Variants in LINGO2 observed in about 807,000 individuals in gnomAD.
LINGO2 encodes the protein leucine rich repeat and Ig domain containing 2.
Under a neutral mutation model 30.6 loss-of-function variants are expected in LINGO2, and 14 were observed. The ratio of observed to expected loss-of-function variants is 0.46; its 90% CI spans 0.30 to 0.72. The LOEUF (loss-of-function observed/expected upper bound fraction) is 0.72, where lower values mean the gene tolerates loss of function less well. Among genes scored for constraint, LINGO2 ranks in the 30% least tolerant of loss-of-function variants. The pLI is 0.07. For synonymous variants in LINGO2, 317 were observed against 288.5 expected (o/e 1.10, Z -1.00); for missense variants, 729 against 751.7 (o/e 0.97, Z 0.35).
At chr9:28,490,819 T>C (rs1372577921) in intron 1 of LINGO2, among the ~76,000 whole-genome samples, 1 of 152,198 alleles carries the variant, frequency 6.6e-6, no homozygotes, top group Non-Finnish European at 1.5e-5. Context: ...TACTAGATTA[T>C]TGTACATAAT....
At chr9:28,809,840 C>T in the LINGO2 span, among the ~76,000 whole-genome samples, 3 of 151,508 alleles carry the variant, frequency 2.0e-5, no homozygotes, top group African/African-American at 4.9e-5. Context: ...CCCTATAGCT[C>T]ATCACACTCC....
At chr9:28,343,837 C>T (rs1173700947) in intron 3 of LINGO2, among the ~76,000 whole-genome samples, 5 of 151,958 alleles carry the variant, frequency 3.3e-5, no homozygotes, top group Non-Finnish European at 5.9e-5. Flanking sequence ...TGCCTAAACG[C>T]GACATTAAGT....
the LINGO2 span, among the ~76,000 whole-genome samples, chr9:29,158,476 C>G: frequency 6.6e-6 from 1 of 152,136 alleles, no homozygotes; most frequent in Admixed American, 6.5e-5. Context: ...AGGACAGACT[C>G]TTCAGCAGAC....
the LINGO2 span, among the ~76,000 whole-genome samples, chr9:28,723,589 A>C: frequency 6.6e-6 from 1 of 152,012 alleles, no homozygotes; most frequent in Non-Finnish European, 1.5e-5. Flanking sequence ...ATAAGAATGG[A>C]ATTGGTGAAC....
intron 4 of LINGO2, among the ~76,000 whole-genome samples, chr9:28,054,942 G>C (rs1389337628): frequency 6.6e-6 from 1 of 151,964 alleles, no homozygotes; most frequent in Non-Finnish European, 1.5e-5. Flanking sequence ...CAAAGCTACA[G>C]TCTTCTTTCC....
chr9:28,884,036 A>G, the LINGO2 span, among the ~76,000 whole-genome samples: 1 of 152,086 alleles, frequency 6.6e-6, no homozygotes, highest in African/African-American at 2.4e-5. Flanking sequence ...AAATCATTAA[A>G]TGTTAATTCC....
At chr9:28,894,467 C>A in the LINGO2 span, among the ~76,000 whole-genome samples, 1 of 151,848 alleles carries the variant, frequency 6.6e-6, no homozygotes, top group Admixed American at 6.6e-5. Flanking sequence ...TCAATTATTT[C>A]TCTTATGACT....
At chr9:28,275,121 T>C (rs969155243) in intron 4 of LINGO2, among the ~76,000 whole-genome samples, 2 of 152,060 alleles carry the variant, frequency 1.3e-5, no homozygotes, top group African/African-American at 4.8e-5. Context: ...CAGGCTGGAG[T>C]GCAGTGGCGC....
intron 4 of LINGO2, among the ~76,000 whole-genome samples, chr9:28,150,351 A>T (rs1033328792): frequency 2.6e-5 from 4 of 152,142 alleles, no homozygotes; most frequent in African/African-American, 9.7e-5. Flanking sequence ...TCGACATTGA[A>T]GTTTACTTTT....
At chr9:28,738,086 A>G in the LINGO2 span, among the ~76,000 whole-genome samples, 1 of 152,106 alleles carries the variant, frequency 6.6e-6, no homozygotes, top group Non-Finnish European at 1.5e-5. Context: ...TCATATTGTG[A>G]GACAAACACC....
rs114224259 is a variant in LINGO2 at position 28,001,839 on chromosome 9, C to T, written c.-36+10516G>A. Among the ~76,000 whole-genome samples the T allele has an allele frequency of 9.1e-3, 1,388 of 152,208 alleles. 20 individuals are homozygous for T. Among genetic ancestry groups the T allele is most frequent in the African/African-American group, 0.032 (1,314 of 41,530 alleles). On this transcript the variant is annotated intron_variant, in intron 5 of 5. Coordinates refer to ENST00000379992, the Ensembl canonical transcript of LINGO2. ...ATGATGCACAAAAGGATGTTTACAA[C>T]TTCTGTGATGCTCTAAGAAGATCTA... is the stretch of plus-strand genomic sequence containing the variant.
chr9:28,975,271 T>C, the LINGO2 span, among the ~76,000 whole-genome samples: 9 of 152,238 alleles, frequency 5.9e-5, no homozygotes, highest in East Asian at 1.9e-4. Context: ...TCTAAGTTAA[T>C]AGAAAGACAA....
chr9:28,355,621 C>G (rs1820171418), intron 3 of LINGO2, among the ~76,000 whole-genome samples: 1 of 151,952 alleles, frequency 6.6e-6, no homozygotes, highest in Admixed American at 6.6e-5. Flanking sequence ...CACAGGTGGA[C>G]AGAGATCCCT....
chr9:28,668,024 C>G (rs1828868242), intron 1 of LINGO2, among the ~76,000 whole-genome samples: 1 of 152,062 alleles, frequency 6.6e-6, no homozygotes, highest in African/African-American at 2.4e-5. Flanking sequence ...AATGTCTCTG[C>G]TATATTCACA....
the LINGO2 span, among the ~76,000 whole-genome samples, chr9:28,862,588 A>G: frequency 2.0e-5 from 3 of 152,152 alleles, no homozygotes; most frequent in Non-Finnish European, 1.5e-5. Context: ...GAAACATAAC[A>G]GGACAAAATA....
chr9:28,770,914 G>A, the LINGO2 span, among the ~76,000 whole-genome samples: 7 of 152,140 alleles, frequency 4.6e-5, no homozygotes, highest in Non-Finnish European at 7.4e-5. Context: ...ATGGATCTAC[G>A]TATTCAAAAT....
chr9:28,995,218 CA>C, the LINGO2 span, among the ~76,000 whole-genome samples: 3 of 152,170 alleles, frequency 2.0e-5, no homozygotes, highest in African/African-American at 7.2e-5. Flanking sequence ...AGGACATGAA[CA>C]GACACTTCTC....
intron 1 of LINGO2, among the ~76,000 whole-genome samples, chr9:28,568,884 T>C (rs1349829364): frequency 1.3e-5 from 2 of 151,936 alleles, no homozygotes; most frequent in Admixed American, 6.6e-5. Context: ...TAATTAGTAA[T>C]ATAATAACAG....
intron 1 of LINGO2, among the ~76,000 whole-genome samples, chr9:28,535,409 C>T (rs1018674455): frequency 1.3e-5 from 2 of 151,984 alleles, no homozygotes; most frequent in South Asian, 4.1e-4. Context: ...CTAATGCAAA[C>T]AAACAACAAA....
Sources: gnomAD v4.1 joint callset for allele counts (sites outside exome capture counted in the v4.1 genomes callset) on GRCh38, gnomAD v4.1.1 for gene constraint, MANE v1.5 for transcripts, NCBI Gene and HGNC (gene_info 2026-07-23, HGNC 2026-07-21) for gene names.